The following BCL2L14 variants were observed in gnomAD, a reference collection of about 807,000 sequenced individuals.
The protein encoded by BCL2L14 is apoptosis facilitator Bcl-2-like protein 14.
In BCL2L14, 27 loss-of-function variants were observed where a neutral mutation model predicts 35.3. That is an observed-to-expected ratio of 0.76 (90% CI 0.56 to 1.05). The LOEUF (loss-of-function observed/expected upper bound fraction) is 1.05. Among genes scored for constraint, BCL2L14 ranks in the 50% least tolerant of loss-of-function variants. The pLI is 0.00. For synonymous variants in BCL2L14, 139 were observed against 145.9 expected (o/e 0.95, Z 0.34); for missense variants, 377 against 382.6 (o/e 0.99, Z 0.12).
chr12:12,089,026 AAG>A (rs1281576243), intron 3 of BCL2L14, among the ~76,000 whole-genome samples: 2 of 152,242 alleles, frequency 1.3e-5, no homozygotes, highest in Non-Finnish European at 2.9e-5. Flanking sequence ...AACTTTCCCT[AAG>A]AGAGTGTTAA....
At chr12:12,062,736 C>A (rs1251308450) in intron 2 of BCL2L14, among the ~76,000 whole-genome samples, 1 of 152,162 alleles carries the variant, frequency 6.6e-6, no homozygotes, top group Non-Finnish European at 1.5e-5. Flanking sequence ...TTCTTCCCTT[C>A]AGTCAGACAT....
At chr12:12,069,182 G>A (rs1017254640), upstream of BCL2L14, among the ~76,000 whole-genome samples, 11 of 152,084 alleles carry the variant, frequency 7.2e-5, no homozygotes, top group Non-Finnish European at 1.5e-4. Flanking sequence ...TTTTATCAGT[G>A]GTGTCTTTGT....
In BCL2L14 at chr12:12,071,013, C is replaced by G. The variant is rs143517756; in HGVS notation, c.-132C>G. The G allele has an allele frequency of 6.6e-5, 10 of 152,230 alleles. No homozygotes were observed. The highest frequency in any genetic ancestry group is 3.3e-4 in the Admixed American group (5 of 15,290). The allele number at this position is 152,230 out of a possible 1,614,324, so 9.4% of individuals were successfully genotyped here. ...TCTAAACTACCTGAGTCTTTCCAAA[C>G]GACAAGCCAAGAAGACCTGTTGAAA... On this transcript the variant is annotated 5_prime_UTR_variant, in exon 1 of 6. Coordinates refer to ENST00000308721, the MANE Select transcript of BCL2L14 (RefSeq NM_138723.2).
At chr12:12,062,628 T>C (rs1002784662) in intron 2 of BCL2L14, among the ~76,000 whole-genome samples, 19 of 152,188 alleles carry the variant, frequency 1.2e-4, no homozygotes, top group Non-Finnish European at 2.2e-4. Context: ...CAACATGCCC[T>C]GAGTCAGATA....
chr12:12,056,884 C>T (rs1948440764), intron 2 of BCL2L14, among the ~76,000 whole-genome samples: 1 of 152,190 alleles, frequency 6.6e-6, no homozygotes, highest in Non-Finnish European at 1.5e-5. Flanking sequence ...AGATCTCTAG[C>T]TAGATGCATC....
chr12:12,063,631 A>G lies in BCL2L14; in HGVS notation c.-272+11784A>G, dbSNP rs193083701. On this transcript the variant is annotated intron_variant, in intron 2 of 3. Transcript: ENST00000461264. ...CCCCAAAAATTTTCGCTGTCCCAAC[A>G]CTTTACCACTATTTCGTTTTATTTT... is the stretch of plus-strand genomic sequence containing the variant. 9.4e-3 allele frequency among the ~76,000 whole-genome samples: 1,432 copies of G among 152,156 alleles called. 23 individuals carry two copies. Among genetic ancestry groups the G allele is most frequent in the Middle Eastern group, 0.014 (4 of 294 alleles).
At chr12:12,077,714 T>C in intron 1 of BCL2L14, 1 of 186,694 alleles carries the variant, frequency 5.4e-6, no homozygotes, top group Admixed American at 5.5e-5. Context: ...AGGAAGTTCA[T>C]GTTTGGAGAG....
intron 2 of BCL2L14, among the ~76,000 whole-genome samples, chr12:12,062,973 C>G (rs148945168): frequency 0.033 from 4,968 of 152,344 alleles, 120 homozygotes; most frequent in Non-Finnish European, 0.052. Context: ...ACTTTTACCA[C>G]TTTCGCTTCT....
At chr12:12,068,300 C>A, upstream of BCL2L14, 1 of 397,284 alleles carries the variant, frequency 2.5e-6, no homozygotes, top group Non-Finnish European at 4.4e-6. Flanking sequence ...AGTTATGTAA[C>A]TCAGAACTCC....
chr12:12,070,045 T>C (rs1490525766), upstream of BCL2L14, among the ~76,000 whole-genome samples: 1 of 152,236 alleles, frequency 6.6e-6, no homozygotes, highest in Non-Finnish European at 1.5e-5. Context: ...CTATTTCACT[T>C]AAGACTCTGG....
At position 12,054,228 on chromosome 12, in the gene BCL2L14, C is replaced by A. The variant is rs117877850; in HGVS notation, c.-272+2381C>A. 8.9e-3 allele frequency among the ~76,000 whole-genome samples: 1,352 copies of A among 152,220 alleles called. 7 individuals are homozygous for A. The highest frequency in any genetic ancestry group is 0.026 in the South Asian group (124 of 4,824). ...GCTCAAAATCCAATTAGGGGCTGGG[C>A]GCAGTAGCTCATGCCTGTAATCCCA... On this transcript the variant is annotated intron_variant, in intron 2 of 3. Coordinates refer to the BCL2L14 transcript ENST00000461264.
intron 2 of BCL2L14, among the ~76,000 whole-genome samples, chr12:12,083,974 C>T (rs147440092): frequency 7.5e-4 from 114 of 152,176 alleles, no homozygotes; most frequent in African/African-American, 2.4e-3. Flanking sequence ...TCCCTCAGCT[C>T]GTGGCTTCCA....
upstream of BCL2L14, among the ~76,000 whole-genome samples, chr12:12,070,150 G>A (rs143422470): frequency 8.5e-5 from 13 of 152,286 alleles, no homozygotes; most frequent in African/African-American, 3.1e-4. Context: ...GTGGGTTTTT[G>A]TGGTTTTTAC....
At chr12:12,097,662 A>C (rs895402893) in intron 5 of BCL2L14, among the ~76,000 whole-genome samples, 3 of 152,234 alleles carry the variant, frequency 2.0e-5, no homozygotes, top group African/African-American at 7.2e-5. Context: ...TCACTGAATT[A>C]GTGAATTTTA....
chr12:12,050,127 G>A (rs1948325702), intron 1 of BCL2L14, among the ~76,000 whole-genome samples: 1 of 152,178 alleles, frequency 6.6e-6, no homozygotes, highest in African/African-American at 2.4e-5. Context: ...CCTTAGGAAT[G>A]AGGCCAGGTG....
Position 12,094,865 on chromosome 12 carries a change from C to T in BCL2L14, c.880C>T (p.Leu294=), listed in dbSNP as rs750422863. 2.1e-5 allele frequency: 34 copies of T among 1,614,056 alleles called. No individual in the cohort carries two copies. In the Admixed American group the frequency reaches 2.2e-4, roughly 10 times the overall value. The change falls in exon 5 of 6, where the codon CTG becomes TTG. Residue 294 remains leucine (L), a synonymous_variant. Coordinates refer to ENST00000308721, the MANE Select transcript of BCL2L14 (RefSeq NM_138723.2). The part of the protein sequence containing the change: ...AIDNHPMNRV[L]GFGTKYLKEN... The stretch of plus-strand genomic sequence containing the variant: ...TGACAACCACCCGATGAACAGGGTC[C>T]TGGGCTTTGGCACCAAGTACCTGAA...
At chr12:12,059,623 T>C (rs574746189) in intron 2 of BCL2L14, among the ~76,000 whole-genome samples, 1 of 152,010 alleles carries the variant, frequency 6.6e-6, no homozygotes, top group Non-Finnish European at 1.5e-5. Context: ...CCCTACCCCT[T>C]CTCCGTGTCT....
chr12:12,095,057 T>C (rs953452511), intron 5 of BCL2L14, 127 bp downstream of exon 5: 10 of 1,452,208 alleles, frequency 6.9e-6, no homozygotes, highest in Non-Finnish European at 9.0e-6. Context: ...GACACTTGAG[T>C]GGCCAGAGAT....
At chr12:12,060,797 C>T (rs1948511937) in intron 2 of BCL2L14, among the ~76,000 whole-genome samples, 1 of 130,002 alleles carries the variant, frequency 7.7e-6, no homozygotes, top group African/African-American at 3.0e-5. Flanking sequence ...ACTCCCAGAG[C>T]CCCTGGAACT....
Sources: allele counts gnomAD v4.1 joint callset (sites outside exome capture counted in the v4.1 genomes callset), GRCh38; gene constraint gnomAD v4.1.1; transcripts MANE v1.5; gene names NCBI Gene and HGNC (gene_info 2026-07-23, HGNC 2026-07-21).